Variants in ESR1 observed in about 807,000 individuals in gnomAD.
ESR1 encodes the protein estrogen receptor 1, also known as estrogen receptor.
Under a neutral mutation model 52.7 loss-of-function variants are expected in ESR1, and 12 were observed. The ratio of observed to expected loss-of-function variants is 0.23; its 90% CI spans 0.15 to 0.37. ESR1 has a LOEUF of 0.37. Ranked by LOEUF, ESR1 falls within the 10% of genes least tolerant of loss-of-function variation. The probability of loss-of-function intolerance (pLI) is 1.00; values close to 1 mark genes in which losing one functional copy is unlikely to be tolerated. For missense variants in ESR1, 584 were observed against 779.7 expected (o/e 0.75, Z 2.99); for synonymous variants, 305 against 316.8 (o/e 0.96, Z 0.39).
intron 5 of ESR1, among the ~76,000 whole-genome samples, chr6:152,051,893 G>A (rs1255043600): frequency 6.6e-6 from 1 of 152,070 alleles, no homozygotes; most frequent in African/African-American, 2.4e-5. Flanking sequence ...AAGACACATT[G>A]CTGTCCTGGT....
At chr6:151,807,512 A>T (rs1778067518), upstream of ESR1, 3 of 308,496 alleles carry the variant, frequency 9.7e-6, no homozygotes, top group Admixed American at 4.0e-5. Context: ...CAAGTAAAGT[A>T]AAGTTCAGGG....
intron 3 of ESR1, among the ~76,000 whole-genome samples, chr6:151,904,475 G>A (rs796609339): frequency 5.3e-5 from 8 of 152,076 alleles, no homozygotes; most frequent in African/African-American, 1.4e-4. Flanking sequence ...TGTTTCGTGG[G>A]GGATTCAAAA....
chr6:151,701,031 A>T (rs115453059), intron 1 of ESR1, among the ~76,000 whole-genome samples: 3,120 of 152,258 alleles, frequency 0.02, 38 homozygotes, highest in East Asian at 0.032. Context: ...GTTGTTTTAT[A>T]AGCAATAGGG....
chr6:151,786,442 C>G (rs564160592), intron 2 of ESR1, among the ~76,000 whole-genome samples: 17 of 152,258 alleles, frequency 1.1e-4, no homozygotes, highest in African/African-American at 3.9e-4. Context: ...TTAACTGACC[C>G]TTTTTAATTT....
chr6:151,671,809 T>G (rs1412660436), intron 1 of ESR1, among the ~76,000 whole-genome samples: 1 of 151,864 alleles, frequency 6.6e-6, no homozygotes, highest in East Asian at 2.0e-4. Context: ...CTGGCCAACA[T>G]AGTGAAACCT....
rs1018390841 is a variant in ESR1 at position 151,745,290 on chromosome 6, T to C, written c.-71+43285T>C. ...CTTCTTAGCTGGTCTCTTTCTGGCC[T>C]GAGTGAGACATTTGGCCTGGATATA... On this transcript the variant is annotated intron_variant, in intron 2 of 2. Coordinates refer to the ESR1 transcript ENST00000404742. 1.3e-4 allele frequency among the ~76,000 whole-genome samples: 20 copies of C among 152,150 alleles called. 1 individual carries two copies. The highest frequency in any genetic ancestry group is 1.2e-3 in the Admixed American group (19 of 15,260).
intron 2 of ESR1, among the ~76,000 whole-genome samples, chr6:151,740,136 A>G (rs2128055733): frequency 6.6e-6 from 1 of 150,830 alleles, no homozygotes; most frequent in Admixed American, 6.6e-5. Flanking sequence ...TTTTTTTGAG[A>G]TAGAGTCTTA....
intron 4 of ESR1, among the ~76,000 whole-genome samples, chr6:151,959,376 G>A (rs561364284): frequency 1.3e-5 from 2 of 152,134 alleles, no homozygotes; most frequent in East Asian, 1.9e-4. Flanking sequence ...CATGAACAAC[G>A]TCAAATGCTT....
intron 5 of ESR1, among the ~76,000 whole-genome samples, chr6:152,024,924 C>T (rs1003966960): frequency 1.3e-5 from 2 of 151,040 alleles, no homozygotes; most frequent in African/African-American, 4.8e-5. Flanking sequence ...ATATTGTCTG[C>T]AAATAGAGAT....
Position 152,098,355 on chromosome 6 carries a change from T to C in ESR1, c.1554-377T>C, listed in dbSNP as rs2050794368. ...TGGCTGAATATCTCATGTTGTCTTT[T>C]TAGAAGCTTTGGCGATCCTATTTGA... On this transcript the variant is annotated intron_variant, in intron 7 of 7. Coordinates refer to ENST00000206249, the MANE Select transcript of ESR1 (RefSeq NM_000125.4). This position sits in a 1 kb window ranked among gnomAD's most constrained non-coding sequence, Gnocchi z 5.1. Among the ~76,000 whole-genome samples the C allele has an allele frequency of 6.6e-6, 1 of 152,044 alleles. No homozygotes were observed. The highest frequency in any genetic ancestry group is 2.1e-4 in the South Asian group (1 of 4,824).
intron 2 of ESR1, among the ~76,000 whole-genome samples, chr6:151,720,744 A>AT (rs147266359): frequency 0.012 from 1,877 of 152,278 alleles, 45 homozygotes; most frequent in African/African-American, 0.043. Context: ...TTATTTAATC[A>AT]TTTTTTGGAA....
intron 3 of ESR1, among the ~76,000 whole-genome samples, chr6:151,884,224 A>C (rs1180849002): frequency 6.6e-6 from 1 of 152,180 alleles, no homozygotes; most frequent in Admixed American, 6.5e-5. Context: ...AAATCAATAT[A>C]ATTTATTGTA....
intron 6 of ESR1, among the ~76,000 whole-genome samples, chr6:152,071,924 C>T (rs2048381944): frequency 6.6e-6 from 1 of 152,140 alleles, no homozygotes; most frequent in Non-Finnish European, 1.5e-5. Flanking sequence ...AAGGCTCTTG[C>T]TACATATTGC....
At chr6:151,983,154 T>C (rs2040151036) in intron 4 of ESR1, among the ~76,000 whole-genome samples, 1 of 152,058 alleles carries the variant, frequency 6.6e-6, no homozygotes, top group African/African-American at 2.4e-5. Context: ...GACAGTTCAG[T>C]GCAACAAGTG....
At chr6:151,998,867 G>C (rs192891912) in intron 4 of ESR1, among the ~76,000 whole-genome samples, 1 of 152,138 alleles carries the variant, frequency 6.6e-6, no homozygotes, top group Non-Finnish European at 1.5e-5. Context: ...GAATGATTTG[G>C]TTTTTGCCAT....
At chr6:152,121,464 A>G (rs531296437) in intron 6 of ESR1, among the ~76,000 whole-genome samples, 4 of 152,316 alleles carry the variant, frequency 2.6e-5, no homozygotes, top group Non-Finnish European at 5.9e-5. Flanking sequence ...AGAATTCAGG[A>G]GATTTGATTG....
intron 4 of ESR1, among the ~76,000 whole-genome samples, chr6:151,960,092 A>T (rs1251220268): frequency 6.6e-6 from 1 of 152,140 alleles, no homozygotes; most frequent in African/African-American, 2.4e-5. Context: ...TGGAATCTCC[A>T]CACTTAAAAA....
intron 6 of ESR1, among the ~76,000 whole-genome samples, chr6:152,113,574 T>TTGTG (rs149373494): frequency 0.01 from 1,550 of 149,312 alleles, 27 homozygotes; most frequent in African/African-American, 0.036. Context: ...AGATCTCATA[T>TTGTG]TGTGTGTGTG....
rs1443171539 is a variant in ESR1, at chr6:152,053,444, C to G, written c.1236-7547C>G. On this transcript the variant is annotated intron_variant, in intron 5 of 7. Transcript: ENST00000206249. This position sits in a 1 kb window ranked among gnomAD's most constrained non-coding sequence, Gnocchi z 4.1. The stretch of plus-strand genomic sequence containing the variant: ...TCCCTCTCTCTTTCAATCTTTCTCT[C>G]CCTCAGTCTCTCTTTCTCTTTCCCT... Among the ~76,000 whole-genome samples the G allele has an allele frequency of 6.6e-6, 1 of 152,000 alleles. No individual in the cohort carries two copies. The highest frequency in any genetic ancestry group is 2.4e-5 in the African/African-American group (1 of 41,362).
Sources: gnomAD v4.1 joint callset for allele counts (sites outside exome capture counted in the v4.1 genomes callset) on GRCh38, gnomAD v4.1.1 for gene constraint, Gnocchi (gnomAD v3.1) non-coding constraint, MANE v1.5 for transcripts, NCBI Gene and HGNC (gene_info 2026-07-23, HGNC 2026-07-21) for gene names.